MTHFSD: variants seen among roughly 807,000 people sequenced by gnomAD.
MTHFSD encodes methenyltetrahydrofolate synthase domain-containing protein.
Under a neutral mutation model 31.1 loss-of-function variants are expected in MTHFSD, and 37 were observed. The observed-to-expected ratio is 1.19, with a 90% CI of 0.91 to 1.56. The LOEUF (loss-of-function observed/expected upper bound fraction) is 1.56. Among genes scored for constraint, MTHFSD ranks in the 40% most tolerant of loss-of-function variants. The pLI is 0.00. For synonymous variants in MTHFSD, 221 were observed against 206.9 expected (o/e 1.07, Z -0.59); for missense variants, 664 against 510.1 (o/e 1.30, Z -2.91).
intron 5 of MTHFSD, among the ~76,000 whole-genome samples, chr16:86,546,303 C>A (rs1043078432): frequency 1.3e-5 from 2 of 152,334 alleles, no homozygotes; most frequent in East Asian, 3.9e-4. Flanking sequence ...AACCTTTCAC[C>A]ACCTGAACAG....
chr16:86,549,690 C>T, intron 3 of MTHFSD, among the ~76,000 whole-genome samples: 1 of 152,250 alleles, frequency 6.6e-6, no homozygotes, highest in East Asian at 1.9e-4. Flanking sequence ...GAGGTCTAGA[C>T]CTCACTCCAG....
intron 7 of MTHFSD, among the ~76,000 whole-genome samples, chr16:86,539,198 G>C (rs988036186): frequency 1.3e-5 from 2 of 152,210 alleles, no homozygotes; most frequent in African/African-American, 4.8e-5. Context: ...AGGCGGTATG[G>C]AGCAGCCAAA....
At chr16:86,547,947 C>T in intron 4 of MTHFSD, 1 of 978,762 alleles carries the variant, frequency 1.0e-6, no homozygotes, top group South Asian at 1.5e-5. Context: ...TTATAATGCA[C>T]CCTAAAGTCA....
intron 7 of MTHFSD, chr16:86,535,644 A>G: frequency 2.8e-6 from 1 of 353,836 alleles, no homozygotes; most frequent in Non-Finnish European, 4.0e-6. Flanking sequence ...TGTCCCCTAG[A>G]CATGCTAAGT....
intron 3 of MTHFSD, among the ~76,000 whole-genome samples, chr16:86,551,798 C>T (rs1973185435): frequency 6.6e-6 from 1 of 152,188 alleles, no homozygotes; most frequent in African/African-American, 2.4e-5. Context: ...TTTGAACATC[C>T]TTTATCTCTG....
At chr16:86,534,107 G>T (rs1165411770) in intron 7 of MTHFSD, among the ~76,000 whole-genome samples, 1 of 152,226 alleles carries the variant, frequency 6.6e-6, no homozygotes, top group Non-Finnish European at 1.5e-5. Context: ...AGAAAGACTT[G>T]CGCCAACATT....
intron 5 of MTHFSD, among the ~76,000 whole-genome samples, 164 bp downstream of exon 5, chr16:86,546,395 C>T (rs559597258): frequency 1.3e-5 from 2 of 152,204 alleles, no homozygotes; most frequent in Non-Finnish European, 2.9e-5. Flanking sequence ...AGCGGGTGGG[C>T]TGAGCCAATT....
At chr16:86,540,907 C>G in intron 7 of MTHFSD, 1 of 1,127,598 alleles carries the variant, frequency 8.9e-7, no homozygotes, top group Non-Finnish European at 1.1e-6. Context: ...CAGGGAAAGT[C>G]CCGGCTGGGC....
chr16:86,539,108 T>C (rs1244044688), intron 7 of MTHFSD, among the ~76,000 whole-genome samples: 2 of 152,216 alleles, frequency 1.3e-5, no homozygotes, highest in East Asian at 1.9e-4. Context: ...CCTACCAGGC[T>C]TCCTTTGCTG....
intron 5 of MTHFSD, among the ~76,000 whole-genome samples, chr16:86,545,183 C>T (rs1655104555): frequency 6.6e-6 from 1 of 152,040 alleles, no homozygotes; most frequent in East Asian, 1.9e-4. Context: ...AACAAACCTG[C>T]ACATCCTACA....
rs3210503 is a variant in MTHFSD, at chr16:86,530,903, G to A, written c.*1108C>T. ...TGGGAAGGAAATCTGTCTTTAATGAGCAAATGTAAGGCTGCGTTTTCTTTG... is the reference window on the plus strand; with the variant it reads ...TGGGAAGGAAATCTGTCTTTAATGAACAAATGTAAGGCTGCGTTTTCTTTG... On this transcript the variant is annotated 3_prime_UTR_variant, in exon 8 of 8. Transcript: ENST00000360900. The A allele has an allele frequency of 6.6e-6, 1 of 152,234 alleles. No individual in the cohort carries two copies. Among genetic ancestry groups the A allele is most frequent in the African/African-American group, 2.4e-5 (1 of 41,458 alleles). 9.4% of individuals were successfully genotyped at this position (152,234 alleles called of 1,614,324 possible).
At chr16:86,536,453 C>G (rs1157448578) in intron 7 of MTHFSD, among the ~76,000 whole-genome samples, 1 of 152,174 alleles carries the variant, frequency 6.6e-6, no homozygotes, top group South Asian at 2.1e-4. Flanking sequence ...CATAGTTGAT[C>G]AAAGGTGTCA....
intron 3 of MTHFSD, among the ~76,000 whole-genome samples, chr16:86,551,119 T>C (rs1236133498): frequency 1.3e-5 from 2 of 152,264 alleles, no homozygotes; most frequent in Non-Finnish European, 1.5e-5. Context: ...ACTGATTTTA[T>C]AGTTTTGTTT....
Position 86,532,123 on chromosome 16 carries a change from A to G in MTHFSD, c.1040T>C (p.Leu347Pro), listed in dbSNP as rs1373848052. 2 of 1,551,372 alleles carry G rather than the reference A, an allele frequency of 1.3e-6. No homozygotes were observed. The highest frequency in any genetic ancestry group is 2.4e-5 in the South Asian group (2 of 82,526). The change falls in exon 8 of 8, where the codon CTC (leucine) becomes CCC (proline). Residue 347 changes from leucine (L) to proline (P), a missense_variant. Leu to Pro is a moderately conservative substitution (Grantham distance 98). Coordinates refer to ENST00000360900, the MANE Select transcript of MTHFSD (RefSeq NM_001159377.2). ...TWQGPRRRAF[L>P]HYPDSAAAQQ... is the part of the protein sequence containing the mutation. Reference sequence around the variant, plus strand: ...GGCTGCGGCAGAGTCCGGGTAATGGAGGAAGGCTCTGCGCCGCGGGCCCTG... The same window carrying G: ...GGCTGCGGCAGAGTCCGGGTAATGGGGGAAGGCTCTGCGCCGCGGGCCCTG...
intron 7 of MTHFSD, among the ~76,000 whole-genome samples, chr16:86,536,732 C>T (rs1299438449): frequency 6.6e-6 from 1 of 152,280 alleles, no homozygotes; most frequent in East Asian, 1.9e-4. Flanking sequence ...CAGCTTCCAT[C>T]TGCACGCCTT....
At chr16:86,541,885 C>T (rs1971578989) in intron 6 of MTHFSD, 63 bp from the exon 7 acceptor site, 1 of 1,594,468 alleles carries the variant, frequency 6.3e-7, no homozygotes, top group Non-Finnish European at 8.6e-7. Flanking sequence ...TGCACACTGC[C>T]CCGCTCGGTG....
intron 3 of MTHFSD, among the ~76,000 whole-genome samples, chr16:86,551,759 C>T (rs753087163): frequency 1.3e-5 from 2 of 152,208 alleles, no homozygotes; most frequent in African/African-American, 4.8e-5. Flanking sequence ...GTTCCCTCTC[C>T]TGTGCCAACT....
In MTHFSD at chr16:86,554,646, T is replaced by A. The variant is rs1973799534; in HGVS notation, c.122A>T (p.Lys41Met). 2 of 1,611,924 alleles carry A rather than the reference T, an allele frequency of 1.2e-6. No individual in the cohort carries two copies. The highest frequency in any genetic ancestry group is 1.7e-6 in the Non-Finnish European group (2 of 1,178,436). The change falls in exon 2 of 8, where the codon AAG becomes ATG. Residue 41 changes from lysine to methionine, a missense_variant and splice_region_variant. Transcript: ENST00000360900. Reference sequence around the variant, plus strand: ...TGGACTCCAGAAATATGTCAGTACCTTAAAGTTGGGTATCCTGTGATGAAC... The same window carrying A: ...TGGACTCCAGAAATATGTCAGTACCATAAAGTTGGGTATCCTGTGATGAAC... Reference protein sequence around the residue: ...RPVHHRIPNFKGSYLACQNIK... With the variant: ...RPVHHRIPNFMGSYLACQNIK...
In MTHFSD at chr16:86,554,642, T is replaced by C. The variant is rs750384759; in HGVS notation, c.123+3A>G. On this transcript the variant is annotated splice_donor_region_variant and intron_variant, in intron 2 of 7. Coordinates refer to ENST00000360900, the MANE Select transcript of MTHFSD (RefSeq NM_001159377.2). ...TTTCTGGACTCCAGAAATATGTCAGTACCTTAAAGTTGGGTATCCTGTGAT... is the reference window on the plus strand; with the variant it reads ...TTTCTGGACTCCAGAAATATGTCAGCACCTTAAAGTTGGGTATCCTGTGAT... 1.9e-6 allele frequency: 3 copies of C among 1,608,600 alleles called. No individual in the cohort carries two copies. In the Admixed American group the frequency reaches 5.0e-5, roughly 27 times the overall value.
Sources: allele counts gnomAD v4.1 joint callset (sites outside exome capture counted in the v4.1 genomes callset), GRCh38; gene constraint gnomAD v4.1.1; transcripts MANE v1.5; gene names NCBI Gene and HGNC (gene_info 2026-07-23, HGNC 2026-07-21).